Variants in PEBP4 observed in about 807,000 individuals in gnomAD.
PEBP4 encodes phosphatidylethanolamine binding protein 4, also known as phosphatidylethanolamine-binding protein 4.
A neutral mutation model predicts 23.9 loss-of-function variants in PEBP4; 22 were observed. The observed-to-expected ratio is 0.92, with a 90% confidence interval of 0.66 to 1.31. PEBP4 has a LOEUF of 1.31. PEBP4 is among the 40% of genes most tolerant of loss of function. PEBP4 has a pLI of 0.00. For missense variants in PEBP4, 324 were observed against 281.7 expected (o/e 1.15, Z -1.07); for synonymous variants, 112 against 99.3 (o/e 1.13, Z -0.76).
At chr8:22,896,207 C>A (rs13264113) in intron 3 of PEBP4, 2 of 152,234 alleles carry the variant, frequency 1.3e-5, no homozygotes, top group Non-Finnish European at 2.9e-5. Flanking sequence ...CAATCACTGT[C>A]ATAGCTGGAG....
intron 3 of PEBP4, among the ~76,000 whole-genome samples, chr8:22,839,421 G>A (rs187734826): frequency 1.2e-3 from 177 of 152,274 alleles, no homozygotes; most frequent in African/African-American, 4.1e-3. Context: ...AAGGGCTGGT[G>A]GGGAGGCAGA....
intron 4 of PEBP4, among the ~76,000 whole-genome samples, chr8:22,763,709 C>T (rs1277275597): frequency 1.3e-5 from 2 of 152,212 alleles, no homozygotes; most frequent in East Asian, 3.8e-4. Flanking sequence ...AGAAAGTTTG[C>T]CTTCTCAACC....
chr8:22,790,889 C>A (rs912565938), intron 4 of PEBP4, among the ~76,000 whole-genome samples: 1 of 152,218 alleles, frequency 6.6e-6, no homozygotes, highest in Non-Finnish European at 1.5e-5. Flanking sequence ...GTTTATATTA[C>A]CCTTAAATAC....
intron 2 of PEBP4, among the ~76,000 whole-genome samples, chr8:22,921,578 C>T (rs1489947484): frequency 6.6e-5 from 10 of 152,240 alleles, no homozygotes; most frequent in African/African-American, 1.4e-4. Context: ...GGCCGCTGAG[C>T]CCCCAGCACC....
intron 6 of PEBP4, among the ~76,000 whole-genome samples, chr8:22,722,198 A>G (rs943917856): frequency 5.3e-5 from 8 of 151,220 alleles, no homozygotes; most frequent in South Asian, 4.2e-4. Flanking sequence ...AAAAAAATCT[A>G]TGGTTTCTCC....
chr8:22,889,423 T>G (rs1808447392), intron 3 of PEBP4, among the ~76,000 whole-genome samples: 1 of 152,166 alleles, frequency 6.6e-6, no homozygotes, highest in Non-Finnish European at 1.5e-5. Flanking sequence ...CTTCAGAAGA[T>G]GCTACCCTGT....
chr8:22,924,948 G>T (rs1316915158), intron 2 of PEBP4: 8 of 985,206 alleles, frequency 8.1e-6, no homozygotes, highest in Non-Finnish European at 9.6e-6. Flanking sequence ...TAGGCATTGA[G>T]TCCAATCTTT....
chr8:22,863,489 A>T (rs2128769061), intron 3 of PEBP4, among the ~76,000 whole-genome samples: 2 of 152,248 alleles, frequency 1.3e-5, no homozygotes, highest in South Asian at 4.2e-4. Flanking sequence ...AAGGGCGTGG[A>T]GGGAGGGTTA....
intron 4 of PEBP4, among the ~76,000 whole-genome samples, chr8:22,814,471 A>G (rs1223237550): frequency 6.6e-6 from 1 of 152,130 alleles, no homozygotes; most frequent in Non-Finnish European, 1.5e-5. Context: ...TTTGGAGTGG[A>G]GGTGGGGGGT....
At chr8:22,929,258 C>T (rs564171179), upstream of PEBP4, among the ~76,000 whole-genome samples, 3 of 152,368 alleles carry the variant, frequency 2.0e-5, no homozygotes, top group South Asian at 2.1e-4. Flanking sequence ...GCACCTCCCA[C>T]GTGCCTGCCC....
intron 3 of PEBP4, among the ~76,000 whole-genome samples, chr8:22,821,246 A>G (rs747749696): frequency 6.6e-6 from 1 of 152,218 alleles, no homozygotes; most frequent in Non-Finnish European, 1.5e-5. Context: ...AGAGGATAGA[A>G]TAAAGGATGA....
intron 3 of PEBP4, among the ~76,000 whole-genome samples, chr8:22,852,572 G>GA (rs1488435600): frequency 6.6e-6 from 1 of 151,910 alleles, no homozygotes; most frequent in Non-Finnish European, 1.5e-5. Context: ...AAAGAGCCTA[G>GA]AAAAAATCTG....
rs1042895781 is a variant in PEBP4 at position 22,920,167 on chromosome 8, C to T, written c.258+17G>A. The T allele has an allele frequency of 1.2e-6, 2 of 1,604,764 alleles. No individual in the cohort carries two copies. The highest frequency in any genetic ancestry group is 2.2e-5 in the East Asian group (1 of 44,622). ...CCCCAACTGTCCCCCCGCTTTAACA[C>T]AGCCCTGCTCACTCACGTCCACGGC... On this transcript the variant is annotated intron_variant, in intron 3 of 6. Coordinates refer to ENST00000256404, the MANE Select transcript of PEBP4 (RefSeq NM_144962.3).
rs542150949 is a variant in PEBP4 at position 22,812,524 on chromosome 8, C to T, written c.357+5113G>A. On this transcript the variant is annotated intron_variant, in intron 4 of 6. Coordinates refer to ENST00000256404, the MANE Select transcript of PEBP4 (RefSeq NM_144962.3). ...CCTACATGTTAGGAAGCCTAAGTCA[C>T]GCCTTTTAGCTGCTTATTAGTTAAA... Among the ~76,000 whole-genome samples the T allele has an allele frequency of 1.2e-4, 19 of 152,314 alleles. No homozygotes were observed. In the South Asian group the frequency reaches 3.3e-3, roughly 27 times the overall value.
At chr8:22,845,964 G>A (rs1807425056) in intron 3 of PEBP4, among the ~76,000 whole-genome samples, 2 of 152,232 alleles carry the variant, frequency 1.3e-5, no homozygotes, top group South Asian at 4.1e-4. Context: ...CTGCTTGCTG[G>A]GGTTGGGCCC....
chr8:22,884,755 T>TCTCTTCTCCCAATGTCCTCTCC (rs1409618636), intron 3 of PEBP4: 14 of 152,274 alleles, frequency 9.2e-5, no homozygotes, highest in African/African-American at 3.4e-4. Context: ...ACATCCTCTC[T>TCTCTTCTCCCAATGTCCTCTCC]CTCTTCTCCC....
intron 4 of PEBP4, among the ~76,000 whole-genome samples, chr8:22,804,942 G>T (rs890658752): frequency 6.6e-6 from 1 of 152,248 alleles, no homozygotes; most frequent in Non-Finnish European, 1.5e-5. Flanking sequence ...TGTCCTCGCA[G>T]GGTTGCCTGG....
At chr8:22,924,869 C>T (rs1809291168) in intron 2 of PEBP4, 8 of 985,222 alleles carry the variant, frequency 8.1e-6, no homozygotes, top group Admixed American at 6.2e-5. Flanking sequence ...TCCCGAGAAG[C>T]GTTACTCTTA....
chr8:22,912,342 G>A (rs564776231), intron 3 of PEBP4, among the ~76,000 whole-genome samples: 73 of 152,318 alleles, frequency 4.8e-4, no homozygotes, highest in African/African-American at 1.5e-3. Context: ...CCTCACTACC[G>A]GAACAGTACC....
Sources: gnomAD v4.1 joint callset for allele counts (sites outside exome capture counted in the v4.1 genomes callset) on GRCh38, gnomAD v4.1.1 for gene constraint, MANE v1.5 for transcripts, NCBI Gene and HGNC (gene_info 2026-07-23, HGNC 2026-07-21) for gene names.